Variants in GM2A observed in about 807,000 individuals in gnomAD.
The protein encoded by GM2A is ganglioside GM2 activator.
GM2A carries 7 observed loss-of-function variants against 12.9 expected under a neutral mutation model. The observed-to-expected ratio is 0.54, with a 90% CI of 0.31 to 1.02. GM2A has a LOEUF of 1.02. GM2A is among the 50% of genes least tolerant of loss of function. The probability of loss-of-function intolerance (pLI) is 0.05; values close to 1 mark genes in which losing one functional copy is unlikely to be tolerated. For missense variants in GM2A, 246 were observed against 241.0 expected (o/e 1.02, Z -0.14); for synonymous variants, 101 against 96.0 (o/e 1.05, Z -0.30).
Position 151,267,192 on chromosome 5 carries a change from G to C in GM2A, c.427-104G>C, listed in dbSNP as rs543370416. On this transcript the variant is annotated intron_variant, in intron 3 of 3. Transcript: ENST00000357164. ...ATCTTGTGCGGCTGTTTTGAGAATG[G>C]GAAGAGGGGTGGTAGTTCATGGCTG... 27 of 1,439,894 alleles carry C rather than the reference G, an allele frequency of 1.9e-5. No individual in the cohort carries two copies. In the African/African-American group the frequency reaches 3.7e-4, roughly 19 times the overall value. 89.2% of individuals were successfully genotyped at this position (1,439,894 alleles called of 1,614,324 possible).
chr5:151,261,669 C>A (rs1478431429), intron 2 of GM2A, among the ~76,000 whole-genome samples: 1 of 151,990 alleles, frequency 6.6e-6, no homozygotes, highest in Middle Eastern at 3.2e-3. Context: ...GAACTCCTGA[C>A]CTCAGGCAAT....
intron 1 of GM2A, among the ~76,000 whole-genome samples, chr5:151,255,989 T>C (rs1248424710): frequency 6.6e-6 from 1 of 152,142 alleles, no homozygotes; most frequent in Non-Finnish European, 1.5e-5. Context: ...TACATCTTCT[T>C]GGGGCTCATG....
rs1753619262 is a variant in GM2A, at chr5:151,253,196, C to T, written c.-21C>T. On this transcript the variant is annotated 5_prime_UTR_variant, in exon 1 of 4. Transcript: ENST00000357164. ...CCGCCACAGACCTTGCAGTTAACTC[C>T]GCCCTGACCCACCCTTCCCGATGCA... 1 of 1,601,214 alleles carries T rather than the reference C, an allele frequency of 6.2e-7. No homozygotes were observed. Among genetic ancestry groups the T allele is most frequent in the South Asian group, 1.1e-5 (1 of 90,816 alleles).
chr5:151,259,685 T>C (rs774751651), intron 1 of GM2A, 70 bp from the exon 2 acceptor site: 6 of 1,472,820 alleles, frequency 4.1e-6, no homozygotes, highest in Non-Finnish European at 4.7e-6. Context: ...TCATTTTTCC[T>C]GTGATCTGTG....
At chr5:151,266,447 C>CAAAAAAAAAAAAA (rs59997121) in intron 2 of GM2A, among the ~76,000 whole-genome samples, 99 of 106,122 alleles carry the variant, frequency 9.3e-4, no homozygotes, top group Non-Finnish European at 1.2e-3. Context: ...AGCCATGATA[C>CAAAAAAAAAAAAA]AAAAAAAAAA....
intron 2 of GM2A, among the ~76,000 whole-genome samples, chr5:151,262,505 C>T (rs898861653): frequency 1.3e-5 from 2 of 152,210 alleles, no homozygotes; most frequent in African/African-American, 2.4e-5. Context: ...GTGAACATTT[C>T]GATTAGTATC....
Position 151,267,826 on chromosome 5 carries a change from T to C in GM2A, c.*375T>C, listed in dbSNP as rs1753924221. 2 of 1,173,758 alleles carry C rather than the reference T, an allele frequency of 1.7e-6. No individual in the cohort carries two copies. The highest frequency in any genetic ancestry group is 2.1e-6 in the Non-Finnish European group (2 of 935,426). 72.7% of individuals were successfully genotyped at this position (1,173,758 alleles called of 1,614,324 possible). On this transcript the variant is annotated 3_prime_UTR_variant, in exon 4 of 4. Coordinates refer to ENST00000357164, the MANE Select transcript of GM2A (RefSeq NM_000405.5). ...CTCTCTCTTTCACTCTTTTTTTTTT[T>C]TGTCACTAAGTTAAAAGCGAAGTGA...
chr5:151,269,005 A>AGGTGATCACTG lies in GM2A; in HGVS notation c.*1554_*1555insGGTGATCACTG. 1 of 985,478 alleles carries AGGTGATCACTG rather than the reference A, an allele frequency of 1.0e-6. No individual in the cohort carries two copies. Among genetic ancestry groups the AGGTGATCACTG allele is most frequent in the Non-Finnish European group, 1.2e-6 (1 of 829,976 alleles). The allele number at this position is 985,478 out of a possible 1,614,324, so 61.0% of individuals were successfully genotyped here. ...CTCACCTGTGAGCTGTGGGGATCAC[A>AGGTGATCACTG]AGGCTGCCTGCCTCAGTCTTGGAGT... On this transcript the variant is annotated 3_prime_UTR_variant, in exon 4 of 4. Transcript: ENST00000357164.
rs534624058 is a variant in GM2A, at chr5:151,255,119, T to G, written c.81+1822T>G. On this transcript the variant is annotated intron_variant, in intron 1 of 3. Coordinates refer to ENST00000357164, the MANE Select transcript of GM2A (RefSeq NM_000405.5). ...GAGTTCAAGACCAGCCTGGGCAACATGGTGAAGCCCCATCTCTGCAAAAAT... is the reference window on the plus strand; with the variant it reads ...GAGTTCAAGACCAGCCTGGGCAACAGGGTGAAGCCCCATCTCTGCAAAAAT... Among the ~76,000 whole-genome samples the G allele has an allele frequency of 6.6e-5, 10 of 152,170 alleles. 1 individual carries two copies. Among genetic ancestry groups the G allele is most frequent in the South Asian group, 6.2e-4 (3 of 4,820 alleles).
intron 2 of GM2A, among the ~76,000 whole-genome samples, chr5:151,260,472 G>T (rs1466675020): frequency 6.6e-6 from 1 of 152,062 alleles, no homozygotes; most frequent in Non-Finnish European, 1.5e-5. Flanking sequence ...ACAAAAATTA[G>T]CTGGGCGTGG....
At chr5:151,261,422 G>C (rs1266106705) in intron 2 of GM2A, among the ~76,000 whole-genome samples, 1 of 151,978 alleles carries the variant, frequency 6.6e-6, no homozygotes, top group African/African-American at 2.4e-5. Flanking sequence ...TTCCAGGGTA[G>C]TTTTTATTTG....
intron 1 of GM2A, among the ~76,000 whole-genome samples, chr5:151,256,850 A>G (rs1753698620): frequency 6.6e-6 from 1 of 152,094 alleles, no homozygotes; most frequent in African/African-American, 2.4e-5. Flanking sequence ...CATGACACAT[A>G]TAATTGTAGT....
intron 2 of GM2A, among the ~76,000 whole-genome samples, chr5:151,262,405 C>A (rs1234522600): frequency 6.6e-6 from 1 of 152,230 alleles, no homozygotes; most frequent in East Asian, 1.9e-4. Context: ...TATGGGCTTT[C>A]CTTGAGCAAT....
chr5:151,267,435 C>T lies in GM2A; in HGVS notation c.566C>T (p.Ser189Phe), dbSNP rs1476646097. 6.2e-7 allele frequency: 1 copy of T among 1,614,002 alleles called. No homozygotes were observed. The highest frequency in any genetic ancestry group is 8.5e-7 in the Non-Finnish European group (1 of 1,179,986). ...CTGGGCTGCATCAAGATCGCTGCCT[C>T]TCTAAAGGGCATATAACATGGCATC... Reference protein sequence around the residue: ...KRLGCIKIAASLKGI With the variant: ...KRLGCIKIAAFLKGI The change falls in exon 4 of 4, where the codon TCT becomes TTT. Residue 189 changes from serine (S) to phenylalanine (F), a missense_variant. Physicochemically the swap from Ser to Phe is radical, Grantham distance 155. Transcript: ENST00000357164.
intron 1 of GM2A, among the ~76,000 whole-genome samples, chr5:151,256,890 C>T (rs776260708): frequency 1.3e-5 from 2 of 152,164 alleles, no homozygotes; most frequent in Non-Finnish European, 2.9e-5. Context: ...ATGACAGCTT[C>T]TTAGTCTTTC....
rs376979280 is a variant in GM2A, at chr5:151,267,704, TC to T, written c.*257del. 792 of 1,416,468 alleles carry T rather than the reference TC, an allele frequency of 5.6e-4. 4 individuals carry two copies. In the African/African-American group the frequency reaches 6.4e-3, roughly 11 times the overall value. 87.7% of individuals were successfully genotyped at this position (1,416,468 alleles called of 1,614,324 possible). ...TCTGCTGGGCTGACCACGTTACTCA[TC>T]CCCGTTAACATTCTCTCTAAAGAGC... On this transcript the variant is annotated 3_prime_UTR_variant, in exon 4 of 4. Coordinates refer to ENST00000357164, the MANE Select transcript of GM2A (RefSeq NM_000405.5).
chr5:151,253,236 C>T lies in GM2A; in HGVS notation c.20C>T (p.Ala7Val). Reference sequence around the variant, plus strand: ...TTCCCGATGCAGTCCCTGATGCAGGCTCCCCTCCTGATCGCCCTGGGCTTG... The same window carrying T: ...TTCCCGATGCAGTCCCTGATGCAGGTTCCCCTCCTGATCGCCCTGGGCTTG... MQSLMQ[A>V]PLLIALGLLL... Residue 7 changes from alanine (A) to valine (V), a missense_variant, in exon 1 of 4, where the codon GCT becomes GTT. Physicochemically the swap from Ala to Val is moderately conservative, Grantham distance 64. Transcript: ENST00000357164. 2 of 1,614,008 alleles carry T rather than the reference C, an allele frequency of 1.2e-6. No individual in the cohort carries two copies. Among genetic ancestry groups the T allele is most frequent in the Non-Finnish European group, 1.7e-6 (2 of 1,179,880 alleles).
chr5:151,266,762 G>T lies in GM2A; in HGVS notation c.275G>T (p.Gly92Val). 1 of 1,613,880 alleles carries T rather than the reference G, an allele frequency of 6.2e-7. No individual in the cohort carries two copies. Among genetic ancestry groups the T allele is most frequent in the Non-Finnish European group, 8.5e-7 (1 of 1,179,846 alleles). ...VDLVLEKEVA[G>V]LWIKIPCTDY... ...TTAGTTTTGGAGAAGGAGGTGGCTGGCCTCTGGATCAAGATCCCATGCACA... is the reference window on the plus strand; with the variant it reads ...TTAGTTTTGGAGAAGGAGGTGGCTGTCCTCTGGATCAAGATCCCATGCACA... Residue 92 changes from glycine (G) to valine (V), a missense_variant, in exon 3 of 4, where the codon GGC becomes GTC. Gly to Val is a moderately radical substitution (Grantham distance 109). Transcript: ENST00000357164.
At position 151,267,344 on chromosome 5, in the gene GM2A, C is replaced by A. The variant is rs770993371; in HGVS notation, c.475C>A (p.Leu159Met). 3.1e-6 allele frequency: 5 copies of A among 1,614,068 alleles called. No homozygotes were observed. In the East Asian group the frequency reaches 1.1e-4, roughly 36 times the overall value. Reference sequence around the variant, plus strand: ...CGAATTCGTTGTGCCTGACCTGGAGCTGCCCAGTTGGCTCACCACCGGGAA... The same window carrying A: ...CGAATTCGTTGTGCCTGACCTGGAGATGCCCAGTTGGCTCACCACCGGGAA... ...KSEFVVPDLE[L>M]PSWLTTGNYR... Residue 159 changes from leucine (L) to methionine (M), a missense_variant, in exon 4 of 4, where the codon CTG (leucine) becomes ATG (methionine). Transcript: ENST00000357164.
Sources: gnomAD v4.1 joint callset for allele counts (sites outside exome capture counted in the v4.1 genomes callset) on GRCh38, gnomAD v4.1.1 for gene constraint, MANE v1.5 for transcripts, NCBI Gene and HGNC (gene_info 2026-07-23, HGNC 2026-07-21) for gene names.